SEMA3E: variants seen among roughly 807,000 people sequenced by gnomAD.
SEMA3E encodes the protein semaphorin-3E.
Under a neutral mutation model 93.6 loss-of-function variants are expected in SEMA3E, and 49 were observed. The ratio of observed to expected loss-of-function variants is 0.52; its 90% CI spans 0.42 to 0.66. SEMA3E has a LOEUF of 0.66. Ranked by LOEUF, SEMA3E falls within the 30% of genes least tolerant of loss-of-function variation. The pLI, the probability that SEMA3E is intolerant of heterozygous loss-of-function variation, is 0.00. For synonymous variants in SEMA3E, 363 were observed against 330.7 expected (o/e 1.10, Z -1.06); for missense variants, 906 against 964.8 (o/e 0.94, Z 0.81).
intron 1 of SEMA3E, among the ~76,000 whole-genome samples, chr7:83,562,821 G>C (rs1792060169): frequency 6.6e-6 from 1 of 152,118 alleles, no homozygotes; most frequent in Non-Finnish European, 1.5e-5. Context: ...AGGAGAGAGA[G>C]GTAAGAGTTA....
chr7:83,397,781 A>G (rs905047432), intron 11 of SEMA3E, among the ~76,000 whole-genome samples: 3 of 152,144 alleles, frequency 2.0e-5, no homozygotes, highest in South Asian at 2.1e-4. Flanking sequence ...TTTCTATGCT[A>G]TTTCAGCAGT....
intron 4 of SEMA3E, among the ~76,000 whole-genome samples, chr7:83,444,715 T>A (rs746131018): frequency 2.5e-4 from 37 of 146,158 alleles, no homozygotes; most frequent in Non-Finnish European, 5.1e-4. Context: ...TTGTCACCCA[T>A]GCCAGAGTGC....
At chr7:83,407,532 C>T in intron 6 of SEMA3E, among the ~76,000 whole-genome samples, 1 of 152,032 alleles carries the variant, frequency 6.6e-6, no homozygotes. Context: ...ACTTAAAATG[C>T]ATTCAGGAAA....
chr7:83,488,821 T>G (rs1489269906), intron 2 of SEMA3E, among the ~76,000 whole-genome samples: 2 of 152,104 alleles, frequency 1.3e-5, no homozygotes, highest in Non-Finnish European at 2.9e-5. Context: ...CATTGTAAAC[T>G]GATGAAAACT....
chr7:83,561,401 A>G (rs1225092260), intron 1 of SEMA3E, among the ~76,000 whole-genome samples: 2 of 152,110 alleles, frequency 1.3e-5, no homozygotes, highest in Non-Finnish European at 2.9e-5. Context: ...TCTTCCTTCC[A>G]AAATAATTTC....
chr7:83,551,267 T>C (rs1237498761), intron 1 of SEMA3E, among the ~76,000 whole-genome samples: 1 of 152,118 alleles, frequency 6.6e-6, no homozygotes, highest in South Asian at 2.1e-4. Flanking sequence ...CTTTATGGAC[T>C]TACGAATCTG....
chr7:83,461,558 A>G (rs1177491470), intron 4 of SEMA3E, among the ~76,000 whole-genome samples: 1 of 152,102 alleles, frequency 6.6e-6, no homozygotes, highest in Non-Finnish European at 1.5e-5. Flanking sequence ...TTTATCCCAA[A>G]TCAGATAGCG....
At position 83,582,000 on chromosome 7, in the gene SEMA3E, A is replaced by G. The variant is rs564832509; in HGVS notation, c.115+66428T>C. Among the ~76,000 whole-genome samples, 111 of 152,132 alleles carry G rather than the reference A, an allele frequency of 7.3e-4. 1 individual carries two copies. The Middle Eastern group carries it at 0.01, about 14-fold the overall frequency. On this transcript the variant is annotated intron_variant, in intron 1 of 16. Coordinates refer to ENST00000643230, the MANE Select transcript of SEMA3E (RefSeq NM_012431.3). Reference sequence around the variant, plus strand: ...CTGAAAGAAATAGAATTACACTTCTAAAGAATACTGAAGTGTTTAAGGCAG... The same window carrying G: ...CTGAAAGAAATAGAATTACACTTCTGAAGAATACTGAAGTGTTTAAGGCAG...
At chr7:83,470,691 T>C (rs1789872102) in intron 2 of SEMA3E, among the ~76,000 whole-genome samples, 1 of 152,138 alleles carries the variant, frequency 6.6e-6, no homozygotes, top group Non-Finnish European at 1.5e-5. Flanking sequence ...CTATTGCTTT[T>C]TGTGCATATA....
chr7:83,575,342 A>C (rs1584341182), intron 1 of SEMA3E, among the ~76,000 whole-genome samples: 1 of 151,752 alleles, frequency 6.6e-6, no homozygotes, highest in African/African-American at 2.4e-5. Flanking sequence ...TAGGCATTAT[A>C]TTCTATGACT....
intron 1 of SEMA3E, among the ~76,000 whole-genome samples, chr7:83,494,572 A>G (rs1790449654): frequency 6.6e-6 from 1 of 151,924 alleles, no homozygotes; most frequent in Non-Finnish European, 1.5e-5. Flanking sequence ...ATTAAATTAA[A>G]GTAATGTAAA....
chr7:83,467,888 T>C (rs1789804963), intron 3 of SEMA3E, among the ~76,000 whole-genome samples: 1 of 140,104 alleles, frequency 7.1e-6, no homozygotes, highest in Non-Finnish European at 1.5e-5. Context: ...ATGATCAGTA[T>C]ACTGAATTTA....
chr7:83,413,141 T>G (rs1318690943), intron 5 of SEMA3E, among the ~76,000 whole-genome samples: 1 of 152,226 alleles, frequency 6.6e-6, no homozygotes, highest in Non-Finnish European at 1.5e-5. Context: ...TTTTACAATG[T>G]GAACTCTAGT....
At chr7:83,569,245 A>G (rs1447918194) in intron 1 of SEMA3E, among the ~76,000 whole-genome samples, 3 of 152,118 alleles carry the variant, frequency 2.0e-5, no homozygotes, top group Admixed American at 1.3e-4. Context: ...GGATACAAAC[A>G]AATGGAAAGA....
chr7:83,521,329 T>A (rs1199321026), intron 1 of SEMA3E, among the ~76,000 whole-genome samples: 2 of 152,058 alleles, frequency 1.3e-5, no homozygotes, highest in Admixed American at 6.6e-5. Context: ...AGGGCAGAAG[T>A]CTATTCCAAT....
At chr7:83,637,675 G>A (rs1315942103) in intron 1 of SEMA3E, among the ~76,000 whole-genome samples, 1 of 151,836 alleles carries the variant, frequency 6.6e-6, no homozygotes, top group African/African-American at 2.4e-5. Context: ...GAGGAAGGAT[G>A]TGTTTGCTTC....
intron 7 of SEMA3E, 138 bp downstream of exon 7, chr7:83,406,959 G>A (rs760557861): frequency 2.1e-6 from 2 of 974,996 alleles, no homozygotes; most frequent in Non-Finnish European, 3.1e-6. Context: ...AAATGTAGAG[G>A]TTGGTATAGT....
chr7:83,391,559 T>C (rs1274629743), intron 14 of SEMA3E, among the ~76,000 whole-genome samples: 4 of 152,180 alleles, frequency 2.6e-5, no homozygotes, highest in Non-Finnish European at 5.9e-5. Flanking sequence ...AGTTCAGAAA[T>C]GTCCTCTCGA....
At chr7:83,542,642 A>G (rs1455834881) in intron 1 of SEMA3E, among the ~76,000 whole-genome samples, 1 of 152,160 alleles carries the variant, frequency 6.6e-6, no homozygotes, top group African/African-American at 2.4e-5. Flanking sequence ...AATAACATGT[A>G]ATATTTCACC....
Sources: gnomAD v4.1 joint callset for allele counts (sites outside exome capture counted in the v4.1 genomes callset) on GRCh38, gnomAD v4.1.1 for gene constraint, MANE v1.5 for transcripts, NCBI Gene and HGNC (gene_info 2026-07-23, HGNC 2026-07-21) for gene names.